Variants in GBF1 observed in about 807,000 individuals in gnomAD.
The protein encoded by GBF1 is golgi brefeldin A resistant guanine nucleotide exchange factor 1, also known as Golgi-specific brefeldin A-resistance guanine nucleotide exchange factor 1.
A neutral mutation model predicts 210.5 loss-of-function variants in GBF1; 114 were observed. The ratio of observed to expected loss-of-function variants is 0.54; its 90% confidence interval spans 0.47 to 0.63. The LOEUF (loss-of-function observed/expected upper bound fraction) is 0.63, where lower values mean the gene tolerates loss of function less well. Among genes scored for constraint, GBF1 ranks in the 30% least tolerant of loss-of-function variants. The pLI, the probability that GBF1 is intolerant of heterozygous loss-of-function variation, is 0.00. For synonymous variants in GBF1, 850 were observed against 889.2 expected, an observed-to-expected ratio of 0.96 and a Z score of 0.78; for missense variants, 1,851 against 2,357.7, an observed-to-expected ratio of 0.79 and a Z score of 4.45.
At chr10:102,331,985 G>A (rs1457809974) in intron 3 of GBF1, among the ~76,000 whole-genome samples, 1 of 148,366 alleles carries the variant, frequency 6.7e-6, no homozygotes, top group Non-Finnish European at 1.5e-5. Flanking sequence ...TCAGCCTCCT[G>A]AATAGCTGGG....
At chr10:102,374,942 G>A (rs893522867) in intron 29 of GBF1, among the ~76,000 whole-genome samples, 6 of 151,942 alleles carry the variant, frequency 3.9e-5, no homozygotes, top group Admixed American at 1.3e-4. Flanking sequence ...AGGCTGAGAC[G>A]GGAAGATCGC....
At chr10:102,340,145 G>C (rs2058072514) in intron 3 of GBF1, among the ~76,000 whole-genome samples, 1 of 151,774 alleles carries the variant, frequency 6.6e-6, no homozygotes, top group African/African-American at 2.4e-5. Context: ...GGTAGAGATG[G>C]GGTTTCACCA....
intron 29 of GBF1, among the ~76,000 whole-genome samples, chr10:102,371,168 A>G (rs1422483992): frequency 6.6e-6 from 1 of 152,210 alleles, no homozygotes; most frequent in African/African-American, 2.4e-5. Context: ...CCCTCTTGAG[A>G]TCTCTTTGCT....
At chr10:102,329,500 G>T (rs1446519446) in intron 3 of GBF1, among the ~76,000 whole-genome samples, 1 of 152,116 alleles carries the variant, frequency 6.6e-6, no homozygotes. Context: ...GTCTTGCTCT[G>T]TCTCCCAGGC....
At chr10:102,289,225 T>C (rs2133615198) in intron 3 of GBF1, among the ~76,000 whole-genome samples, 1 of 152,324 alleles carries the variant, frequency 6.6e-6, no homozygotes, top group Non-Finnish European at 1.5e-5. Context: ...CCAGGGACAC[T>C]GTCTTGCCTC....
intron 3 of GBF1, among the ~76,000 whole-genome samples, chr10:102,334,588 C>T (rs889372305): frequency 6.6e-6 from 1 of 152,130 alleles, no homozygotes; most frequent in South Asian, 2.1e-4. Flanking sequence ...GTGGTTCATC[C>T]CTGTAATCCC....
chr10:102,317,195 GCTGA>G (rs200109042), intron 3 of GBF1, among the ~76,000 whole-genome samples: 1,556 of 152,242 alleles, frequency 0.01, 22 homozygotes, highest in African/African-American at 0.036. Flanking sequence ...TACTCCAGAG[GCTGA>G]GATGGGAGAA....
chr10:102,252,676 C>T (rs956433879), intron 1 of GBF1, among the ~76,000 whole-genome samples: 4 of 151,974 alleles, frequency 2.6e-5, no homozygotes, highest in Non-Finnish European at 4.4e-5. Context: ...AAAATGTTGT[C>T]TCTACAAAAA....
At chr10:102,266,051 C>T (rs2073834525) in intron 3 of GBF1, among the ~76,000 whole-genome samples, 1 of 152,100 alleles carries the variant, frequency 6.6e-6, no homozygotes, top group Non-Finnish European at 1.5e-5. Context: ...TCCTGGCGAA[C>T]ACGGTGAAAC....
intron 3 of GBF1, among the ~76,000 whole-genome samples, chr10:102,287,845 AATCACTGGGGAC>A (rs1200011349): frequency 1.3e-5 from 2 of 152,214 alleles, no homozygotes; most frequent in Non-Finnish European, 2.9e-5. Flanking sequence ...ATAAAGATGT[AATCACTGGGGAC>A]ATCACTGGGA....
the GBF1 span, chr10:102,231,806 G>T: frequency 6.3e-7 from 1 of 1,594,668 alleles, no homozygotes; most frequent in Non-Finnish European, 8.5e-7. Flanking sequence ...GGCCAGGGTG[G>T]GGGCAGGTCA....
At chr10:102,319,678 T>C (rs2056205072) in intron 3 of GBF1, among the ~76,000 whole-genome samples, 1 of 151,896 alleles carries the variant, frequency 6.6e-6, no homozygotes, top group Non-Finnish European at 1.5e-5. Flanking sequence ...ATCTCCTTTT[T>C]CTTGTTTATG....
At chr10:102,362,045 C>CTTTTT in intron 14 of GBF1, 133 bp downstream of exon 14, 1 of 259,012 alleles carries the variant, frequency 3.9e-6, no homozygotes, top group Non-Finnish European at 6.9e-6. Context: ...ATTTTCTTTT[C>CTTTTT]TTTTCTTTTT....
chr10:102,353,458 G>A (rs921362493), intron 7 of GBF1, 142 bp from the exon 8 acceptor site: 10 of 705,514 alleles, frequency 1.4e-5, no homozygotes, highest in Non-Finnish European at 2.3e-5. Flanking sequence ...TGAAAAGGAT[G>A]AAATTAGTCT....
chr10:102,299,091 A>T (rs1034358632), intron 3 of GBF1, among the ~76,000 whole-genome samples: 5 of 152,210 alleles, frequency 3.3e-5, no homozygotes, highest in Non-Finnish European at 5.9e-5. Flanking sequence ...GACCTTGGGC[A>T]GGTTGCATAA....
the GBF1 span, among the ~76,000 whole-genome samples, chr10:102,232,809 A>G: frequency 6.6e-6 from 1 of 152,188 alleles, no homozygotes; most frequent in African/African-American, 2.4e-5. Context: ...TCCTCAGCCA[A>G]TCATACCTGA....
rs143477344 is a variant in GBF1, at chr10:102,267,418, T to C, written c.163+7302T>C. Among the ~76,000 whole-genome samples, 93 of 152,230 alleles carry C rather than the reference T, an allele frequency of 6.1e-4. No homozygotes were observed. In the East Asian group the frequency reaches 0.017, roughly 28 times the overall value. On this transcript the variant is annotated intron_variant, in intron 3 of 39. Transcript: ENST00000369983. ...TACTCAGGAGGCTGAAGCAGGTGAA[T>C]TGCTTGAACCCAGGAGGTGAGATTG...
intron 8 of GBF1, among the ~76,000 whole-genome samples, chr10:102,355,971 G>A (rs926140884): frequency 6.6e-6 from 1 of 152,192 alleles, no homozygotes; most frequent in Non-Finnish European, 1.5e-5. Context: ...TAGCTATAGC[G>A]GTCAGTACGC....
At chr10:102,320,796 T>C (rs1343477924) in intron 3 of GBF1, among the ~76,000 whole-genome samples, 1 of 147,350 alleles carries the variant, frequency 6.8e-6, no homozygotes, top group Non-Finnish European at 1.5e-5. Flanking sequence ...TTTTTAATTC[T>C]TTTTTTTTTT....
Sources: gnomAD v4.1 joint callset for allele counts (sites outside exome capture counted in the v4.1 genomes callset) on GRCh38, gnomAD v4.1.1 for gene constraint, MANE v1.5 for transcripts, NCBI Gene and HGNC (gene_info 2026-07-23, HGNC 2026-07-21) for gene names.